Variants in GSTCD observed in about 807,000 individuals in gnomAD.
GSTCD encodes glutathione S-transferase C-terminal domain-containing protein.
Under a neutral mutation model 68.3 loss-of-function variants are expected in GSTCD, and 44 were observed. The ratio of observed to expected loss-of-function variants is 0.64; its 90% CI spans 0.51 to 0.83. The LOEUF (loss-of-function observed/expected upper bound fraction) is 0.83, where lower values mean the gene tolerates loss of function less well. Among genes scored for constraint, GSTCD ranks in the 40% least tolerant of loss-of-function variants. The probability of loss-of-function intolerance (pLI) is 0.00; values close to 1 mark genes in which losing one functional copy is unlikely to be tolerated. For synonymous variants in GSTCD, 273 were observed against 255.2 expected (o/e 1.07, Z -0.67); for missense variants, 739 against 735.9 (o/e 1.00, Z -0.05).
chr4:105,710,171 G>C (rs1364839688), intron 1 of GSTCD, among the ~76,000 whole-genome samples: 1 of 146,962 alleles, frequency 6.8e-6, no homozygotes, highest in East Asian at 2.0e-4. Context: ...GCACTTCTAC[G>C]TGTTTTTGCT....
At chr4:105,820,143 CATT>C (rs1723214990) in intron 5 of GSTCD, among the ~76,000 whole-genome samples, 1 of 147,644 alleles carries the variant, frequency 6.8e-6, no homozygotes, top group African/African-American at 2.5e-5. Flanking sequence ...TTTTTTTTTT[CATT>C]ATTTGATGCT....
intron 5 of GSTCD, among the ~76,000 whole-genome samples, chr4:105,743,185 C>T (rs1733690782): frequency 6.6e-6 from 1 of 152,082 alleles, no homozygotes; most frequent in Non-Finnish European, 1.5e-5. Context: ...CTCCTGACCT[C>T]ATGATCTGCC....
chr4:105,797,895 A>G (rs1269971198), intron 5 of GSTCD, among the ~76,000 whole-genome samples: 2 of 150,736 alleles, frequency 1.3e-5, no homozygotes, highest in Non-Finnish European at 2.9e-5. Flanking sequence ...CTGTCTCCCA[A>G]GTAACTGGAA....
chr4:105,717,502 T>G (rs1408947124), intron 1 of GSTCD, 91 bp from the exon 2 acceptor site: 1 of 848,684 alleles, frequency 1.2e-6, no homozygotes, highest in Non-Finnish European at 1.8e-6. Flanking sequence ...TTTTACTGAT[T>G]TCTAGAACAG....
At chr4:105,820,222 AC>A (rs1312055431) in intron 5 of GSTCD, among the ~76,000 whole-genome samples, 1 of 151,332 alleles carries the variant, frequency 6.6e-6, no homozygotes, top group Non-Finnish European at 1.5e-5. Context: ...TGGCTCCTTT[AC>A]CTCTGTACTT....
chr4:105,733,282 G>C (rs531752343), intron 5 of GSTCD, among the ~76,000 whole-genome samples: 6 of 152,320 alleles, frequency 3.9e-5, no homozygotes, highest in Admixed American at 1.3e-4. Context: ...AATGTTGACA[G>C]TGGGGTGTTA....
intron 8 of GSTCD, among the ~76,000 whole-genome samples, chr4:105,829,306 T>G (rs750704238): frequency 3.3e-5 from 5 of 152,104 alleles, no homozygotes; most frequent in Admixed American, 6.5e-5. Flanking sequence ...AATCAACTTT[T>G]TAGTGGTTTA....
At position 105,728,680 on chromosome 4, in the gene GSTCD, TATATAGATATAGATATAG is replaced by T. The variant is rs5860812; in HGVS notation, c.1147-706_1147-689del. 2.8e-3 allele frequency among the ~76,000 whole-genome samples: 405 copies of T among 146,944 alleles called. 1 individual carries two copies. Among genetic ancestry groups the T allele is most frequent in the Non-Finnish European group, 3.9e-3 (264 of 67,094 alleles). ...AGCCATGGAGATATCTAGATATAGA[TATATAGATATAGATATAG>T]ATATAGATATAGATATAGACTGTGT... is the stretch of plus-strand genomic sequence containing the variant. On this transcript the variant is annotated intron_variant, in intron 4 of 11. Coordinates refer to ENST00000515279, the MANE Select transcript of GSTCD (RefSeq NM_001370181.1).
Position 105,794,139 on chromosome 4 carries a change from G to A in GSTCD, c.1241-28815G>A, listed in dbSNP as rs190180988. On this transcript the variant is annotated intron_variant, in intron 5 of 11. Transcript: ENST00000515279. ...ATCCTTATTAATCTTACATAATAAT[G>A]TTTTCTTATTCATGTACTTGAAATA... Among the ~76,000 whole-genome samples, 6 of 152,058 alleles carry A rather than the reference G, an allele frequency of 3.9e-5. No individual in the cohort carries two copies. In the East Asian group the frequency reaches 1.2e-3, roughly 29 times the overall value.
chr4:105,845,074 T>G (rs1302894109), intron 11 of GSTCD, among the ~76,000 whole-genome samples: 1 of 152,204 alleles, frequency 6.6e-6, no homozygotes, highest in Non-Finnish European at 1.5e-5. Flanking sequence ...AGACAAATTT[T>G]TTTTCCACAT....
chr4:105,802,125 A>T (rs916448903), intron 5 of GSTCD, among the ~76,000 whole-genome samples: 3 of 152,140 alleles, frequency 2.0e-5, no homozygotes, highest in Non-Finnish European at 4.4e-5. Context: ...ATAGTACAGT[A>T]TATAAAAACT....
At chr4:105,796,141 C>T (rs554329570) in intron 5 of GSTCD, among the ~76,000 whole-genome samples, 39 of 152,268 alleles carry the variant, frequency 2.6e-4, no homozygotes, top group African/African-American at 9.1e-4. Context: ...GGGGAGGCCT[C>T]ACAATAATGA....
At position 105,716,030 on chromosome 4, in the gene GSTCD, G is replaced by A. The variant is rs140773951; in HGVS notation, c.-21-1563G>A. Reference sequence around the variant, plus strand: ...ATGAAGAATCTGACCTCAAGACTGTGTGTGTTTGCACCTTTAACCAGTATG... The same window carrying A: ...ATGAAGAATCTGACCTCAAGACTGTATGTGTTTGCACCTTTAACCAGTATG... On this transcript the variant is annotated intron_variant, in intron 1 of 11. Coordinates refer to ENST00000515279, the MANE Select transcript of GSTCD (RefSeq NM_001370181.1). Among the ~76,000 whole-genome samples the A allele has an allele frequency of 3.1e-3, 479 of 152,200 alleles. 1 individual carries two copies. The highest frequency in any genetic ancestry group is 0.011 in the African/African-American group (448 of 41,532).
rs139425249 is a variant in GSTCD, at chr4:105,769,233, G to GATCACACA, written c.1240+39734_1240+39735insATCACACA. On this transcript the variant is annotated intron_variant, in intron 5 of 11. Coordinates refer to ENST00000515279, the MANE Select transcript of GSTCD (RefSeq NM_001370181.1). ...TTTTAAAAATATACTATACACGCGC[G>GATCACACA]CACACACACACACACACACACACAC... is the stretch of plus-strand genomic sequence containing the variant. 2.2e-3 allele frequency among the ~76,000 whole-genome samples: 326 copies of GATCACACA among 146,334 alleles called. 1 individual carries two copies. Among genetic ancestry groups the GATCACACA allele is most frequent in the African/African-American group, 7.0e-3 (277 of 39,620 alleles).
At position 105,767,966 on chromosome 4, in the gene GSTCD, TTTTTC is replaced by T. The variant is rs571703579; in HGVS notation, c.1240+38472_1240+38476del. 3.5e-3 allele frequency among the ~76,000 whole-genome samples: 532 copies of T among 152,222 alleles called. 3 individuals carry two copies. Among genetic ancestry groups the T allele is most frequent in the Non-Finnish European group, 5.9e-3 (398 of 68,006 alleles). The stretch of plus-strand genomic sequence containing the variant: ...CATGAAAGAATTCTAGTTTTTTGCC[TTTTTC>T]TTTTAACTTAAAAACATTTTGTTCC... On this transcript the variant is annotated intron_variant, in intron 5 of 11. Transcript: ENST00000515279.
Position 105,719,208 on chromosome 4 carries a change from A to G in GSTCD, c.575A>G (p.Asp192Gly). 1 of 1,614,100 alleles carries G rather than the reference A, an allele frequency of 6.2e-7. No homozygotes were observed. The change falls in exon 3 of 12, where the codon GAT becomes GGT. Residue 192 changes from aspartate to glycine, a missense_variant. Physicochemically the swap from Asp to Gly is moderately conservative, Grantham distance 94 (BLOSUM62 -1). Transcript: ENST00000515279. ...AGTGAGCCTGTTAGAGTGCATAATG[A>G]TGATAAACTCCGCAGGCAGAAGCTC... Reference protein sequence around the residue: ...KLSEPVRVHNDDKLRRQKLKQ... With the variant: ...KLSEPVRVHNGDKLRRQKLKQ...
chr4:105,829,519 C>A (rs1209193246), intron 8 of GSTCD, among the ~76,000 whole-genome samples: 1 of 152,118 alleles, frequency 6.6e-6, no homozygotes, highest in Non-Finnish European at 1.5e-5. Flanking sequence ...GAATGAGGAG[C>A]AAAGTCACAT....
At chr4:105,827,950 A>G (rs561149754) in intron 8 of GSTCD, among the ~76,000 whole-genome samples, 7 of 152,094 alleles carry the variant, frequency 4.6e-5, no homozygotes, top group Non-Finnish European at 1.0e-4. Flanking sequence ...CAATATTACA[A>G]ATATTTATTT....
chr4:105,743,013 G>A (rs923058689), intron 5 of GSTCD, among the ~76,000 whole-genome samples: 5 of 146,272 alleles, frequency 3.4e-5, no homozygotes, highest in African/African-American at 4.9e-5. Flanking sequence ...GCAGTGCCGC[G>A]ATCTCAGCTC....
Sources: gnomAD v4.1 joint callset for allele counts (sites outside exome capture counted in the v4.1 genomes callset) on GRCh38, gnomAD v4.1.1 for gene constraint, MANE v1.5 for transcripts, NCBI Gene and HGNC (gene_info 2026-07-23, HGNC 2026-07-21) for gene names.